Variants in USP22 observed in about 807,000 individuals in gnomAD.
USP22 encodes ubiquitin specific peptidase 22, also known as ubiquitin carboxyl-terminal hydrolase 22.
USP22 carries 22 observed loss-of-function variants against 68.1 expected under a neutral mutation model. The observed-to-expected ratio is 0.32, with a 90% CI of 0.23 to 0.46. The LOEUF is 0.46. Ranked by LOEUF, USP22 falls within the 20% of genes least tolerant of loss-of-function variation. The pLI is 1.00. For synonymous variants in USP22, 279 were observed against 274.2 expected (o/e 1.02, Z -0.17); for missense variants, 433 against 695.8 (o/e 0.62, Z 4.25).
intron 1 of USP22, among the ~76,000 whole-genome samples, chr17:21,038,884 A>G (rs980243637): frequency 3.3e-5 from 5 of 152,176 alleles, no homozygotes; most frequent in Non-Finnish European, 7.3e-5. Context: ...GAAATTTGTT[A>G]TATTTAACAC....
intron 2 of USP22, among the ~76,000 whole-genome samples, chr17:21,024,787 T>C (rs1359127695): frequency 1.3e-5 from 2 of 151,922 alleles, no homozygotes; most frequent in African/African-American, 4.8e-5. Context: ...GGAAACATGG[T>C]AAAACCCCAT....
intron 7 of USP22, among the ~76,000 whole-genome samples, chr17:21,012,617 G>T (rs1302822499): frequency 6.6e-6 from 1 of 151,692 alleles, no homozygotes; most frequent in Non-Finnish European, 1.5e-5. Flanking sequence ...ACCTCAACAC[G>T]AAGGGCTCGC....
chr17:21,037,903 G>C (rs1445713994), intron 1 of USP22, among the ~76,000 whole-genome samples: 1 of 152,094 alleles, frequency 6.6e-6, no homozygotes, highest in Non-Finnish European at 1.5e-5. Flanking sequence ...TAGAGGACTG[G>C]GGAAAGATAC....
intron 2 of USP22, among the ~76,000 whole-genome samples, chr17:21,021,868 T>G (rs959999938): frequency 3.3e-5 from 5 of 152,078 alleles, no homozygotes; most frequent in Non-Finnish European, 5.9e-5. Context: ...GGGAAGCCGA[T>G]GTAGGCAGAT....
intron 6 of USP22, among the ~76,000 whole-genome samples, chr17:21,013,948 C>T (rs1219366757): frequency 2.0e-5 from 3 of 152,232 alleles, no homozygotes; most frequent in Non-Finnish European, 4.4e-5. Flanking sequence ...GTGGCGGGCG[C>T]CTGTAGTCCC....
intron 2 of USP22, among the ~76,000 whole-genome samples, chr17:21,026,562 A>T (rs1972222134): frequency 6.6e-6 from 1 of 151,892 alleles, no homozygotes; most frequent in Admixed American, 6.6e-5. Flanking sequence ...GCGCTCAGGT[A>T]ATCTGCCAAC....
In USP22 at chr17:21,026,775, C is replaced by T. The variant is rs191706169; in HGVS notation, c.304+1767G>A. On this transcript the variant is annotated intron_variant, in intron 2 of 12. Transcript: ENST00000261497. ...AGCCCAGGAGTTCAAGACTAGCCTA[C>T]GCAACATAGTGAGACCCTGTCTCCA... Among the ~76,000 whole-genome samples, 875 of 151,442 alleles carry T rather than the reference C, an allele frequency of 5.8e-3. 18 individuals carry two copies. Among genetic ancestry groups the T allele is most frequent in the Non-Finnish European group, 4.0e-3 (272 of 67,914 alleles).
chr17:21,017,852 T>C (rs1972107704), intron 5 of USP22, 90 bp downstream of exon 5: 2 of 1,484,250 alleles, frequency 1.3e-6, no homozygotes, highest in East Asian at 4.5e-5. Context: ...TAAATGTATC[T>C]TCCTTTATCA....
intron 1 of USP22, among the ~76,000 whole-genome samples, chr17:21,034,599 CT>C (rs1210684318): frequency 6.6e-6 from 1 of 152,186 alleles, no homozygotes; most frequent in African/African-American, 2.4e-5. Flanking sequence ...ATGACCATCC[CT>C]TTGTCCAGCT....
chr17:21,007,363 A>AT (rs903785970), intron 9 of USP22, among the ~76,000 whole-genome samples: 2 of 152,220 alleles, frequency 1.3e-5, no homozygotes, highest in African/African-American at 4.8e-5. Flanking sequence ...GGAGTCACCC[A>AT]TTCCAGCCAG....
At chr17:21,043,404 T>C, upstream of USP22, 1 of 348,626 alleles carries the variant, frequency 2.9e-6, no homozygotes, top group Admixed American at 4.8e-5. Context: ...ACGTTCCCTG[T>C]CTCTTCCAGA....
intron 1 of USP22, chr17:21,042,334 A>C: frequency 1.3e-5 from 2 of 155,782 alleles, no homozygotes; most frequent in Non-Finnish European, 2.8e-5. Flanking sequence ...CAAGAAGGAT[A>C]AGGGAGGGGG....
chr17:21,022,149 T>G (rs1972164409), intron 2 of USP22, among the ~76,000 whole-genome samples: 1 of 152,102 alleles, frequency 6.6e-6, no homozygotes, highest in Non-Finnish European at 1.5e-5. Flanking sequence ...AGTATATTCT[T>G]TTCACAAATA....
Position 21,004,251 on chromosome 17 carries a change from C to T in USP22, c.1486G>A (p.Asp496Asn), listed in dbSNP as rs937353866. The change falls in exon 12 of 13, where the codon GAT becomes AAT. Residue 496 changes from aspartate to asparagine, a missense_variant. Physicochemically the swap from Asp to Asn is conservative, Grantham distance 23. Around this residue, in one of 4 missense-constraint regions of USP22, gnomAD observed 178 missense variants for 351.5 expected, o/e 0.51. Transcript: ENST00000261497. ...QHKDQWFKCD[D>N]AIITKASIKD... ...ATGCTGGCCTTGGTGATGATGGCAT[C>T]GTCACACTTGAACCACTGGTCTTTG... is the stretch of plus-strand genomic sequence containing the variant. 6.2e-7 allele frequency: 1 copy of T among 1,614,152 alleles called. No homozygotes were observed. Among genetic ancestry groups the T allele is most frequent in the Non-Finnish European group, 8.5e-7 (1 of 1,180,008 alleles).
At chr17:21,018,990 C>T in intron 4 of USP22, 94 bp downstream of exon 4, 1 of 1,318,766 alleles carries the variant, frequency 7.6e-7, no homozygotes, top group South Asian at 1.2e-5. Flanking sequence ...AGGGCTTCAA[C>T]AGAATCATGT....
rs117129391 is a variant in USP22, at chr17:21,035,276, C to T, written c.172-6602G>A. Among the ~76,000 whole-genome samples, 508 of 152,340 alleles carry T rather than the reference C, an allele frequency of 3.3e-3. 2 individuals carry two copies. Among genetic ancestry groups the T allele is most frequent in the Non-Finnish European group, 5.1e-3 (347 of 68,034 alleles). On this transcript the variant is annotated intron_variant, in intron 1 of 12. Coordinates refer to ENST00000261497, the MANE Select transcript of USP22 (RefSeq NM_015276.2). Reference sequence around the variant, plus strand: ...CTAACATATAATAATAAAACTCACACTCAATTCTATCTCAATTTCTACTCT... The same window carrying T: ...CTAACATATAATAATAAAACTCACATTCAATTCTATCTCAATTTCTACTCT...
At position 21,042,922 on chromosome 17, in the gene USP22, G is replaced by A. The variant is rs1972460954; in HGVS notation, c.-87C>T. The A allele has an allele frequency of 1.1e-6, 1 of 917,438 alleles. No homozygotes were observed. The highest frequency in any genetic ancestry group is 1.7e-5 in the African/African-American group (1 of 57,408). 56.8% of individuals were successfully genotyped at this position (917,438 alleles called of 1,614,324 possible). A position where few individuals can be genotyped will look rare whatever the true frequency, so the allele number is the denominator to read the frequency against. ...GCGGCGTGGGGGCTGCTCGGCGGCTGGCCAGGCTGGCCAAGGCCCGGGCGC... is the reference window on the plus strand; with the variant it reads ...GCGGCGTGGGGGCTGCTCGGCGGCTAGCCAGGCTGGCCAAGGCCCGGGCGC... On this transcript the variant is annotated 5_prime_UTR_variant, in exon 1 of 13. Coordinates refer to ENST00000261497, the MANE Select transcript of USP22 (RefSeq NM_015276.2).
chr17:21,007,795 A>C (rs759077047), intron 9 of USP22, 75 bp downstream of exon 9: 5 of 1,574,512 alleles, frequency 3.2e-6, no homozygotes, highest in Non-Finnish European at 4.3e-6. Flanking sequence ...CTGCACAGCA[A>C]ACCAAAAGGC....
chr17:21,018,126 C>A lies in USP22; in HGVS notation c.521-15G>T. 1 of 1,566,158 alleles carries A rather than the reference C, an allele frequency of 6.4e-7. No homozygotes were observed. The highest frequency in any genetic ancestry group is 1.4e-5 in the African/African-American group (1 of 73,516). ...CCCACGCAGACCTGGACACAAATCA[C>A]CAGAGAGCAGGAGTTACCTGTGTGC... On this transcript the variant is annotated splice_polypyrimidine_tract_variant and intron_variant, in intron 4 of 12. Transcript: ENST00000261497.
Sources: gnomAD v4.1 joint callset for allele counts (sites outside exome capture counted in the v4.1 genomes callset) on GRCh38, gnomAD v4.1.1 for gene constraint, gnomAD v4.1.1 regional missense constraint, MANE v1.5 for transcripts, NCBI Gene and HGNC (gene_info 2026-07-23, HGNC 2026-07-21) for gene names.